The following NBL1 variants were observed in gnomAD, a reference collection of about 807,000 sequenced individuals.
The protein encoded by NBL1 is neuroblastoma suppressor of tumorigenicity 1.
A neutral mutation model predicts 16.0 loss-of-function variants in NBL1; 9 were observed. The observed-to-expected ratio is 0.56, with a 90% CI of 0.34 to 0.98. The LOEUF is 0.98. NBL1 is among the 50% of genes least tolerant of loss of function. NBL1 has a pLI of 0.02. For synonymous variants in NBL1, 86 were observed against 100.7 expected (o/e 0.85, Z 0.87); for missense variants, 196 against 243.1 (o/e 0.81, Z 1.29).
Position 19,657,276 on chromosome 1 carries a change from TG to T in NBL1, c.*149del. On this transcript the variant is annotated 3_prime_UTR_variant, in exon 4 of 4. Coordinates refer to ENST00000375136, the MANE Select transcript of NBL1 (RefSeq NM_005380.8). ...GGACTTGAATGCTGCCCGGTTGCCA[TG>T]GAGATCTGAAGGGGCGGGGTTAGAG... The T allele has an allele frequency of 3.7e-6, 2 of 543,384 alleles. No individual in the cohort carries two copies. The highest frequency in any genetic ancestry group is 6.6e-6 in the Non-Finnish European group (2 of 304,130). The allele number at this position is 543,384 out of a possible 1,614,324, so 33.7% of individuals were successfully genotyped here. A position where few individuals can be genotyped will look rare whatever the true frequency, so the allele number is the denominator to read the frequency against.
intron 1 of NBL1, among the ~76,000 whole-genome samples, chr1:19,650,301 T>C (rs2095016124): frequency 1.3e-5 from 2 of 152,356 alleles, no homozygotes; most frequent in Admixed American, 6.5e-5. Context: ...TGCGCTCTTA[T>C]ATTTAGTTCA....
At chr1:19,643,744 C>T (rs2094960945), upstream of NBL1, 2 of 1,062,824 alleles carry the variant, frequency 1.9e-6, no homozygotes, top group Non-Finnish European at 2.3e-6. The surrounding 1 kb of genome is among the most constrained non-coding windows in gnomAD (Gnocchi z 4.7). Flanking sequence ...GGCTGAGCAA[C>T]CCAGGCTACC....
chr1:19,653,023 C>G (rs1247511089), intron 1 of NBL1, among the ~76,000 whole-genome samples: 1 of 150,836 alleles, frequency 6.6e-6, no homozygotes, highest in Non-Finnish European at 1.5e-5. Context: ...CGCAGTGGCT[C>G]ACACCTGTAA....
intron 1 of NBL1, among the ~76,000 whole-genome samples, chr1:19,654,697 G>A (rs149793933): frequency 2.0e-5 from 3 of 152,122 alleles, no homozygotes; most frequent in East Asian, 3.9e-4. Flanking sequence ...CCGAGGCACC[G>A]AGATAAAAAG....
In NBL1 at chr1:19,645,707, C is replaced by T. The variant is rs72961714; in HGVS notation, c.-20+1261C>T. 2,525 of 1,283,142 alleles carry T rather than the reference C, an allele frequency of 2.0e-3. 38 individuals are homozygous for T. In the African/African-American group the frequency reaches 0.035, roughly 18 times the overall value. 79.5% of individuals were successfully genotyped at this position (1,283,142 alleles called of 1,614,324 possible). ...AGAAAAGGCGAGGCTGCAGCGTTTC[C>T]TCGGTGACCCCTACCCCTCTCCACC... On this transcript the variant is annotated intron_variant, in intron 1 of 3. Transcript: ENST00000375136.
At chr1:19,654,926 T>A in intron 1 of NBL1, 86 bp from the exon 2 acceptor site, 1 of 1,436,790 alleles carries the variant, frequency 7.0e-7, no homozygotes, top group Non-Finnish European at 9.1e-7. Flanking sequence ...CGCCAAGGAG[T>A]CGGATGCCAG....
intron 1 of NBL1, among the ~76,000 whole-genome samples, chr1:19,647,029 A>G (rs1386027980): frequency 1.3e-5 from 2 of 152,194 alleles, no homozygotes; most frequent in Non-Finnish European, 2.9e-5. Context: ...TTAAAGTGAC[A>G]TGGACTGAGG....
chr1:19,647,533 C>A, intron 1 of NBL1: 2 of 863,610 alleles, frequency 2.3e-6, no homozygotes, highest in Non-Finnish European at 2.8e-6. Context: ...CAGACCCTGC[C>A]CTTAGTGAGT....
intron 1 of NBL1, among the ~76,000 whole-genome samples, chr1:19,654,294 C>T (rs555227629): frequency 7.5e-4 from 114 of 152,248 alleles, no homozygotes; most frequent in African/African-American, 2.6e-3. Flanking sequence ...CCCAGCAACT[C>T]GGGAGGCTGA....
At chr1:19,652,607 G>A (rs71512950) in intron 1 of NBL1, among the ~76,000 whole-genome samples, 1,814 of 152,234 alleles carry the variant, frequency 0.012, 16 homozygotes, top group Non-Finnish European at 0.019. Context: ...GATGGGGAGC[G>A]GAGTGCTTGG....
intron 3 of NBL1, among the ~76,000 whole-genome samples, chr1:19,656,562 G>T (rs2095057645): frequency 6.6e-6 from 1 of 151,714 alleles, no homozygotes; most frequent in Non-Finnish European, 1.5e-5. Flanking sequence ...TTAGTGAGGG[G>T]TCAGGGTTTG....
chr1:19,644,024 G>T (rs1254043141), upstream of NBL1: 2 of 983,670 alleles, frequency 2.0e-6, no homozygotes, highest in Middle Eastern at 5.2e-4. The surrounding 1 kb of genome is among the most constrained non-coding windows in gnomAD (Gnocchi z 4.6). Flanking sequence ...GGGCCAGGGC[G>T]CCCGGCTGGG....
rs1455343452 is a variant in NBL1 at position 19,657,222 on chromosome 1, T to C, written c.*93T>C. 1 of 610,382 alleles carries C rather than the reference T, an allele frequency of 1.6e-6. No homozygotes were observed. Among genetic ancestry groups the C allele is most frequent in the Non-Finnish European group, 2.9e-6 (1 of 347,676 alleles). The allele number at this position is 610,382 out of a possible 1,614,324, so 37.8% of individuals were successfully genotyped here. ...CAGGGGAGAAGCTGAAGCCCCCCTT[T>C]GGCACTGGATGGACTTGGCTTCAGA... On this transcript the variant is annotated 3_prime_UTR_variant, in exon 4 of 4. Transcript: ENST00000375136.
upstream of NBL1, chr1:19,644,136 C>G (rs2094962758): frequency 5.1e-6 from 5 of 979,072 alleles, no homozygotes; most frequent in South Asian, 1.9e-4. The surrounding 1 kb of genome is among the most constrained non-coding windows in gnomAD (Gnocchi z 4.6). Context: ...GGAGAGGGCC[C>G]GGGGCCCCTG....
At chr1:19,645,839 A>C in intron 1 of NBL1, 1 of 1,492,356 alleles carries the variant, frequency 6.7e-7, no homozygotes, top group Non-Finnish European at 8.9e-7. Flanking sequence ...TTTTAAAGTG[A>C]AATTTCAGGC....
intron 1 of NBL1, among the ~76,000 whole-genome samples, chr1:19,650,871 C>G (rs558487108): frequency 6.6e-6 from 1 of 152,112 alleles, no homozygotes; most frequent in African/African-American, 2.4e-5. Flanking sequence ...CTGGGCTCTT[C>G]GGGGCTGGGC....
chr1:19,643,704 C>G, upstream of NBL1: 1 of 1,157,660 alleles, frequency 8.6e-7, no homozygotes, highest in Non-Finnish European at 1.1e-6. The surrounding 1 kb of genome is among the most constrained non-coding windows in gnomAD (Gnocchi z 4.7). Context: ...GGCGTGGGGC[C>G]GAGAGCGACA....
upstream of NBL1, chr1:19,644,040 C>T (rs1222636964): frequency 5.1e-5 from 50 of 981,992 alleles, no homozygotes; most frequent in Admixed American, 6.2e-5. This position sits in a 1 kb window ranked among gnomAD's most constrained non-coding sequence, Gnocchi z 4.6. Flanking sequence ...CTGGGCTGCC[C>T]TGCCTCTCGG....
intron 1 of NBL1, among the ~76,000 whole-genome samples, chr1:19,649,942 T>G (rs1171019718): frequency 1.3e-5 from 2 of 152,228 alleles, no homozygotes; most frequent in Non-Finnish European, 2.9e-5. Flanking sequence ...ATTACAGGTG[T>G]GAGCCACCAT....
Sources: allele counts gnomAD v4.1 joint callset (sites outside exome capture counted in the v4.1 genomes callset), GRCh38; gene constraint gnomAD v4.1.1; non-coding constraint Gnocchi (gnomAD v3.1); transcripts MANE v1.5; gene names NCBI Gene and HGNC (gene_info 2026-07-23, HGNC 2026-07-21).